CCDC146: variants seen among roughly 807,000 people sequenced by gnomAD.
CCDC146 encodes coiled-coil domain-containing protein 146.
CCDC146 carries 92 observed loss-of-function variants against 119.3 expected under a neutral mutation model. The ratio of observed to expected loss-of-function variants is 0.77; its 90% CI spans 0.65 to 0.92. The LOEUF (loss-of-function observed/expected upper bound fraction) is 0.92. Ranked by LOEUF, CCDC146 falls within the 40% of genes least tolerant of loss-of-function variation. The pLI is 0.00. For missense variants in CCDC146, 1,000 were observed against 1,103.0 expected (o/e 0.91, Z 1.32); for synonymous variants, 372 against 371.8 (o/e 1.00, Z -0.01).
intron 2 of CCDC146, among the ~76,000 whole-genome samples, chr7:77,210,850 G>A (rs1032335111): frequency 6.6e-6 from 1 of 152,044 alleles, no homozygotes; most frequent in African/African-American, 2.4e-5. Flanking sequence ...GTGTGAAAGG[G>A]GAGGTGCTAC....
chr7:77,251,761 C>T (rs893945072), intron 4 of CCDC146, among the ~76,000 whole-genome samples: 2 of 152,136 alleles, frequency 1.3e-5, no homozygotes, highest in Non-Finnish European at 1.5e-5. Context: ...TTTGCTCGCT[C>T]GCTCTTGTGC....
At chr7:77,262,399 GA>G (rs1452029165) in intron 9 of CCDC146, 92 bp downstream of exon 9, 1 of 1,007,554 alleles carries the variant, frequency 9.9e-7, no homozygotes, top group East Asian at 2.7e-5. Flanking sequence ...TGCCAGTAGA[GA>G]AGAAGAAAAT....
chr7:77,260,259 A>G, intron 8 of CCDC146, 23 bp downstream of exon 8: 1 of 1,515,536 alleles, frequency 6.6e-7, no homozygotes, highest in African/African-American at 1.4e-5. Flanking sequence ...TATGTATGTT[A>G]TGTTCTGTCA....
intron 18 of CCDC146, 71 bp downstream of exon 18, chr7:77,293,271 A>T: frequency 6.5e-6 from 9 of 1,393,282 alleles, no homozygotes; most frequent in East Asian, 2.3e-5. Flanking sequence ...ACCCACAGTT[A>T]TCCCACAGTA....
chr7:77,202,002 TGA>T (rs1179730188), intron 2 of CCDC146, among the ~76,000 whole-genome samples: 1 of 152,390 alleles, frequency 6.6e-6, no homozygotes, highest in East Asian at 1.9e-4. Context: ...TGTCCTTGAC[TGA>T]CTAGAGTATA....
chr7:77,244,883 A>G (rs1334685166), intron 4 of CCDC146, among the ~76,000 whole-genome samples: 2 of 152,232 alleles, frequency 1.3e-5, no homozygotes, highest in Non-Finnish European at 2.9e-5. Context: ...CTATTCATCC[A>G]CATATACAGA....
At chr7:77,280,733 G>A in intron 14 of CCDC146, 80 bp downstream of exon 14, 1 of 919,998 alleles carries the variant, frequency 1.1e-6, no homozygotes, top group Non-Finnish European at 1.7e-6. Context: ...ACTTGACAGT[G>A]AATAGTGAGG....
intron 2 of CCDC146, among the ~76,000 whole-genome samples, chr7:77,202,525 G>A (rs878949725): frequency 6.6e-6 from 1 of 152,176 alleles, no homozygotes; most frequent in Admixed American, 6.5e-5. Flanking sequence ...TGTCCCTTCA[G>A]AATGCATAAA....
At chr7:77,236,772 T>A (rs1300740020) in intron 2 of CCDC146, among the ~76,000 whole-genome samples, 175 bp from the exon 3 acceptor site, 1 of 152,218 alleles carries the variant, frequency 6.6e-6, no homozygotes, top group East Asian at 1.9e-4. Flanking sequence ...GGGGGCAGAA[T>A]AGAACTAGCA....
At chr7:77,131,195 A>T (rs1790781235) in intron 1 of CCDC146, among the ~76,000 whole-genome samples, 1 of 151,964 alleles carries the variant, frequency 6.6e-6, no homozygotes, top group South Asian at 2.1e-4. Context: ...TCCATCTTAA[A>T]ATCCCAAATT....
intron 1 of CCDC146, among the ~76,000 whole-genome samples, chr7:77,144,330 G>A (rs1191577474): frequency 6.6e-6 from 1 of 151,694 alleles, no homozygotes; most frequent in Non-Finnish European, 1.5e-5. Flanking sequence ...AGATGATGGG[G>A]TTTTCTAAAT....
chr7:77,263,197 C>T (rs982876327), intron 9 of CCDC146, among the ~76,000 whole-genome samples: 2 of 152,202 alleles, frequency 1.3e-5, no homozygotes, highest in African/African-American at 2.4e-5. Flanking sequence ...CTTCCTTGCA[C>T]CCTTTGCAGT....
chr7:77,245,509 G>A (rs1198658460), intron 4 of CCDC146, among the ~76,000 whole-genome samples: 1 of 152,140 alleles, frequency 6.6e-6, no homozygotes, highest in Non-Finnish European at 1.5e-5. Flanking sequence ...GGGAAACAAG[G>A]CTGTGGTGAG....
intron 1 of CCDC146, among the ~76,000 whole-genome samples, chr7:77,141,489 G>A (rs1356667165): frequency 4.6e-5 from 7 of 152,136 alleles, no homozygotes; most frequent in African/African-American, 7.2e-5. Context: ...TTGAGGAATC[G>A]CCACACTGTC....
At chr7:77,199,936 G>A in intron 2 of CCDC146, 1 of 940,804 alleles carries the variant, frequency 1.1e-6, no homozygotes, top group Admixed American at 2.8e-5. Context: ...CACAGGAAGA[G>A]GAGATAGCCC....
intron 2 of CCDC146, among the ~76,000 whole-genome samples, chr7:77,175,492 C>T (rs1003078688): frequency 1.2e-4 from 18 of 150,436 alleles, no homozygotes; most frequent in African/African-American, 4.5e-4. Flanking sequence ...GTGTACCAAT[C>T]ATCATGGGCA....
At position 77,222,811 on chromosome 7, in the gene CCDC146, A is replaced by G. The variant is rs564707137; in HGVS notation, c.157-14136A>G. 5.9e-5 allele frequency among the ~76,000 whole-genome samples: 9 copies of G among 152,286 alleles called. No homozygotes were observed. In the South Asian group the frequency reaches 1.9e-3, roughly 32 times the overall value. On this transcript the variant is annotated intron_variant, in intron 2 of 18. Coordinates refer to ENST00000285871, the MANE Select transcript of CCDC146 (RefSeq NM_020879.3). ...CTGAGCCCACTCCAGGCCTTTACAG[A>G]TGCACCGGTGGTGGAGCCTCTGCCT...
At chr7:77,199,736 A>G in intron 2 of CCDC146, 1 of 1,614,092 alleles carries the variant, frequency 6.2e-7, no homozygotes. Context: ...GCCACAACCA[A>G]AAAACCGTAA....
intron 1 of CCDC146, among the ~76,000 whole-genome samples, chr7:77,129,147 T>C (rs1309345417): frequency 6.6e-6 from 1 of 152,112 alleles, no homozygotes. Flanking sequence ...AAATAACTTG[T>C]AAATTTTAAA....
Sources: gnomAD v4.1 joint callset for allele counts (sites outside exome capture counted in the v4.1 genomes callset) on GRCh38, gnomAD v4.1.1 for gene constraint, MANE v1.5 for transcripts, NCBI Gene and HGNC (gene_info 2026-07-23, HGNC 2026-07-21) for gene names.